ZNF831: variants seen among roughly 807,000 people sequenced by gnomAD.
ZNF831 encodes the protein zinc finger protein 831, also known as chromosome 20 open reading frame 174.
A neutral mutation model predicts 95.8 loss-of-function variants in ZNF831; 59 were observed. That is an observed-to-expected ratio of 0.62 (90% CI 0.50 to 0.77). ZNF831 has a LOEUF of 0.77. Among genes scored for constraint, ZNF831 ranks in the 30% least tolerant of loss-of-function variants. ZNF831 has a pLI of 0.00. For synonymous variants in ZNF831, 961 were observed against 925.5 expected (o/e 1.04, Z -0.70); for missense variants, 2,205 against 2,164.0 (o/e 1.02, Z -0.38).
rs2146774570 is a variant in ZNF831, at chr20:59,254,740, A to G, written c.5031A>G (p.Ile1677Met). ...ATGAAGACCGATTAGTTATAGAAAT[A>G]TGAAGCTTCCAGAGAAACATGGTGT... ...SDDEDRLVIE[I>M] Residue 1677 changes from isoleucine to methionine, a missense_variant, in exon 6 of 6, where the codon ATA becomes ATG. Coordinates refer to ENST00000371030, the MANE Select transcript of ZNF831 (RefSeq NM_178457.3). This position sits in a 1 kb window ranked among gnomAD's most constrained non-coding sequence, Gnocchi z 4.5. The G allele has an allele frequency of 4.4e-6, 7 of 1,590,592 alleles. No individual in the cohort carries two copies. Among genetic ancestry groups the G allele is most frequent in the Non-Finnish European group, 4.3e-6 (5 of 1,172,526 alleles).
chr20:59,250,599 G>T (rs1987834643), intron 4 of ZNF831, among the ~76,000 whole-genome samples: 1 of 152,122 alleles, frequency 6.6e-6, no homozygotes, highest in South Asian at 2.1e-4. Flanking sequence ...GGAAACAAAG[G>T]AACTTGGAAG....
At chr20:59,195,060 G>A (rs1305651052) in intron 2 of ZNF831, among the ~76,000 whole-genome samples, 1 of 152,216 alleles carries the variant, frequency 6.6e-6, no homozygotes, top group African/African-American at 2.4e-5. Flanking sequence ...CCTGGTAACA[G>A]AAGCAAAAAG....
intron 4 of ZNF831, among the ~76,000 whole-genome samples, chr20:59,220,016 A>T (rs902631382): frequency 1.3e-5 from 2 of 152,174 alleles, no homozygotes; most frequent in Non-Finnish European, 1.5e-5. Flanking sequence ...GAGAGAGAAA[A>T]GAGGAGAGGG....
chr20:59,245,985 G>T (rs994153206), intron 4 of ZNF831, among the ~76,000 whole-genome samples: 1 of 152,080 alleles, frequency 6.6e-6, no homozygotes, highest in African/African-American at 2.4e-5. Flanking sequence ...TATGAAGAGG[G>T]TTGAATACAT....
rs186836699 is a variant in ZNF831 at position 59,175,519 on chromosome 20, C to G, written c.-37+11312C>G. ...AGTTCACCGATTCTTTTTTTCTGTC[C>G]TGTCCATTTTGCTGTTGAGGGCATC... On this transcript the variant is annotated intron_variant, in intron 1 of 5. Transcript: ENST00000371030. Among the ~76,000 whole-genome samples, 706 of 151,680 alleles carry G rather than the reference C, an allele frequency of 4.7e-3. 5 individuals are homozygous for G. Among genetic ancestry groups the G allele is most frequent in the Non-Finnish European group, 7.9e-3 (535 of 67,908 alleles).
At chr20:59,172,941 C>T (rs1258391531) in intron 1 of ZNF831, among the ~76,000 whole-genome samples, 1 of 152,236 alleles carries the variant, frequency 6.6e-6, no homozygotes, top group African/African-American at 2.4e-5. Context: ...CACCTGTCTC[C>T]TTGGGCCATG....
At position 59,192,759 on chromosome 20, in the gene ZNF831, G is replaced by A; in HGVS notation, c.1740G>A (p.Val580=). 6.2e-7 allele frequency: 1 copy of A among 1,612,204 alleles called. No individual in the cohort carries two copies. The highest frequency in any genetic ancestry group is 8.5e-7 in the Non-Finnish European group (1 of 1,179,700). Residue 580 remains valine, a synonymous_variant, in exon 2 of 6, where the codon GTG becomes GTA. Coordinates refer to ENST00000371030, the MANE Select transcript of ZNF831 (RefSeq NM_178457.3). This position sits in a 1 kb window ranked among gnomAD's most constrained non-coding sequence, Gnocchi z 5.2. The stretch of plus-strand genomic sequence containing the variant: ...GCACCCCCATTGGCGATGCCCTGGT[G>A]CCCGCAGAGGACACAGACGCAAAGA... ...LPGTPIGDAL[V]PAEDTDAKRT... is the part of the protein sequence containing the mutation.
rs2146765692 is a variant in ZNF831, at chr20:59,254,204, G to C, written c.4495G>C (p.Val1499Leu). Residue 1499 changes from valine to leucine, a missense_variant, in exon 6 of 6, where the codon GTG becomes CTG. By Grantham distance (32) the Val-to-Leu change is conservative. Coordinates refer to ENST00000371030, the MANE Select transcript of ZNF831 (RefSeq NM_178457.3). This position sits in a 1 kb window ranked among gnomAD's most constrained non-coding sequence, Gnocchi z 4.5. Reference sequence around the variant, plus strand: ...GGCTGCCGTTTGTATTTCTCTGCCAGTGAGAACAGATCACATAGCCCAGGA... The same window carrying C: ...GGCTGCCGTTTGTATTTCTCTGCCACTGAGAACAGATCACATAGCCCAGGA... ...SVAAVCISLP[V>L]RTDHIAQEIH... is the part of the protein sequence containing the mutation. The C allele has an allele frequency of 6.2e-7, 1 of 1,614,122 alleles. No individual in the cohort carries two copies. The highest frequency in any genetic ancestry group is 1.1e-5 in the South Asian group (1 of 91,076).
intron 3 of ZNF831, among the ~76,000 whole-genome samples, chr20:59,197,945 T>C (rs969045907): frequency 6.6e-6 from 1 of 152,188 alleles, no homozygotes. Context: ...CAGTTACATG[T>C]GACTGATAGT....
At chr20:59,133,052 A>G (rs1365982967) in intron 1 of ZNF831, among the ~76,000 whole-genome samples, 2 of 112,616 alleles carry the variant, frequency 1.8e-5, no homozygotes, top group Non-Finnish European at 3.7e-5. Flanking sequence ...GGCAGTTGCT[A>G]TGCTCCGGTC....
In ZNF831 at chr20:59,164,194, C is replaced by T. The variant is rs1033629911; in HGVS notation, c.-50C>T. Among the ~76,000 whole-genome samples the T allele has an allele frequency of 6.6e-6, 1 of 152,002 alleles. No homozygotes were observed. Among genetic ancestry groups the T allele is most frequent in the Non-Finnish European group, 1.5e-5 (1 of 68,004 alleles). ...AGAGCATCATTGGCTGAAAACACTC[C>T]ACTGTTTATAAAGGTATGTAACATG... On this transcript the variant is annotated 5_prime_UTR_variant, in exon 1 of 6. Transcript: ENST00000371030.
intron 3 of ZNF831, among the ~76,000 whole-genome samples, chr20:59,196,433 G>T (rs1417499581): frequency 6.6e-6 from 1 of 152,188 alleles, no homozygotes; most frequent in African/African-American, 2.4e-5. Flanking sequence ...ACATTCAGGA[G>T]TGTGCCCTTC....
chr20:59,142,286 C>T (rs6026726), intron 1 of ZNF831, among the ~76,000 whole-genome samples: 6 of 152,242 alleles, frequency 3.9e-5, no homozygotes, highest in South Asian at 2.1e-4. Context: ...GTAACTGATT[C>T]CTCATGGTGG....
At chr20:59,188,634 G>A (rs1311577620) in intron 1 of ZNF831, among the ~76,000 whole-genome samples, 1 of 151,568 alleles carries the variant, frequency 6.6e-6, no homozygotes, top group African/African-American at 2.4e-5. Flanking sequence ...TCCAGCCTGG[G>A]CGACAGAGTG....
At chr20:59,130,431 C>A (rs1979315935) in intron 1 of ZNF831, among the ~76,000 whole-genome samples, 1 of 152,192 alleles carries the variant, frequency 6.6e-6, no homozygotes, top group South Asian at 2.1e-4. Context: ...GCCTGGCACT[C>A]TGAGCAAACA....
At chr20:59,125,553 G>A (rs765175515) in intron 1 of ZNF831, among the ~76,000 whole-genome samples, 3 of 152,142 alleles carry the variant, frequency 2.0e-5, no homozygotes, top group African/African-American at 4.8e-5. Flanking sequence ...TTTGTCCAAC[G>A]TGTTCTGTGG....
chr20:59,206,384 A>T (rs1984894100), intron 3 of ZNF831, among the ~76,000 whole-genome samples: 5 of 152,250 alleles, frequency 3.3e-5, no homozygotes, highest in Admixed American at 2.0e-4. Context: ...GTCTATGAAG[A>T]ATGCTGTCCA....
intron 4 of ZNF831, among the ~76,000 whole-genome samples, chr20:59,225,292 C>A (rs192147723): frequency 1.8e-4 from 28 of 152,302 alleles, no homozygotes; most frequent in Admixed American, 9.8e-4. Context: ...TTACCTTTCC[C>A]AATCTCGCCT....
At chr20:59,134,710 C>A (rs79776469) in intron 1 of ZNF831, among the ~76,000 whole-genome samples, 1,617 of 152,326 alleles carry the variant, frequency 0.011, 26 homozygotes, top group African/African-American at 0.037. Flanking sequence ...TGTTCCCAAC[C>A]TCTCTGTGCT....
Sources: allele counts gnomAD v4.1 joint callset (sites outside exome capture counted in the v4.1 genomes callset), GRCh38; gene constraint gnomAD v4.1.1; non-coding constraint Gnocchi (gnomAD v3.1); transcripts MANE v1.5; gene names NCBI Gene and HGNC (gene_info 2026-07-23, HGNC 2026-07-21).